MYO1B: variants seen among roughly 807,000 people sequenced by gnomAD.
The protein encoded by MYO1B is myosin IB.
MYO1B carries 72 observed loss-of-function variants against 159.7 expected under a neutral mutation model. The observed-to-expected ratio is 0.45, with a 90% CI of 0.37 to 0.55. MYO1B has a LOEUF of 0.55. MYO1B is among the 20% of genes least tolerant of loss of function. MYO1B has a pLI of 0.00. For synonymous variants in MYO1B, 468 were observed against 473.8 expected (o/e 0.99, Z 0.16); for missense variants, 1,062 against 1,364.8 (o/e 0.78, Z 3.50).
At chr2:191,275,355 C>CT (rs61105206) in intron 1 of MYO1B, among the ~76,000 whole-genome samples, 57,660 of 151,928 alleles carry the variant, frequency 0.38, 11,139 homozygotes, top group Middle Eastern at 0.52. Context: ...CTTAGTCTCT[C>CT]TTTTTTGGCT....
intron 14 of MYO1B, 85 bp from the exon 15 acceptor site, chr2:191,383,195 A>T: frequency 1.3e-6 from 1 of 770,694 alleles, no homozygotes; most frequent in Non-Finnish European, 2.1e-6. Context: ...GGGAAATATG[A>T]TAAGATGGTC....
intron 2 of MYO1B, among the ~76,000 whole-genome samples, chr2:191,287,139 C>T (rs553223106): frequency 2.0e-5 from 3 of 152,042 alleles, no homozygotes; most frequent in Non-Finnish European, 4.4e-5. Context: ...GGAATGCTTG[C>T]TGTGGGTCAG....
chr2:191,423,825 C>G lies in MYO1B; in HGVS notation c.3288-12C>G. 1 of 1,600,102 alleles carries G rather than the reference C, an allele frequency of 6.2e-7. No homozygotes were observed. Among genetic ancestry groups the G allele is most frequent in the Non-Finnish European group, 8.5e-7 (1 of 1,175,598 alleles). ...TGTGTATACTTTAATTTGTTTTATT[C>G]TTTTCTCCTAGGTTCCTGGTACAGT... On this transcript the variant is annotated splice_polypyrimidine_tract_variant and intron_variant, in intron 30 of 30. Transcript: ENST00000392318.
intron 4 of MYO1B, among the ~76,000 whole-genome samples, chr2:191,334,466 G>A (rs1331755655): frequency 1.3e-5 from 2 of 152,176 alleles, no homozygotes; most frequent in Admixed American, 1.3e-4. Context: ...TTCTCTGGTA[G>A]AACTCTAGTA....
At chr2:191,324,590 A>G (rs535713156) in intron 3 of MYO1B, among the ~76,000 whole-genome samples, 40 of 152,212 alleles carry the variant, frequency 2.6e-4, no homozygotes, top group Non-Finnish European at 5.0e-4. Context: ...TTTTTACTGC[A>G]TAGTGCACAC....
At chr2:191,360,783 G>GTTGTT in intron 8 of MYO1B, 54 bp downstream of exon 8, 1 of 1,347,368 alleles carries the variant, frequency 7.4e-7, no homozygotes. Flanking sequence ...TGTTGTTGTT[G>GTTGTT]TTGTTGGAGC....
chr2:191,326,770 ATGTGTGTGTGTGTGTGTGTGTGTG>A (rs35184577), intron 3 of MYO1B, among the ~76,000 whole-genome samples: 26 of 137,152 alleles, frequency 1.9e-4, no homozygotes, highest in African/African-American at 7.1e-4. Context: ...GTTTGTATAT[ATGTGTGTGTGTGTGTGTGTGTGTG>A]TGTGTGTGTG....
chr2:191,408,404 G>A (rs557476467), intron 25 of MYO1B, among the ~76,000 whole-genome samples: 37 of 152,224 alleles, frequency 2.4e-4, no homozygotes, highest in African/African-American at 7.9e-4. Flanking sequence ...TTAATGGCCC[G>A]TATATTATTA....
At position 191,282,893 on chromosome 2, in the gene MYO1B, G is replaced by C. The variant is rs1688146819; in HGVS notation, c.135+5863G>C. ...GTATGTGAGTGGTTTACCATCAGTA[G>C]TGCTCAGCTTACTCTGATCGCTGCA... On this transcript the variant is annotated intron_variant, in intron 2 of 30. Coordinates refer to ENST00000392318, the MANE Select transcript of MYO1B (RefSeq NM_001130158.3). 3.3e-5 allele frequency among the ~76,000 whole-genome samples: 5 copies of C among 152,242 alleles called. No individual in the cohort carries two copies. The South Asian group carries it at 1.0e-3, about 31-fold the overall frequency.
chr2:191,321,665 C>T (rs1250417544), intron 3 of MYO1B, among the ~76,000 whole-genome samples: 2 of 152,172 alleles, frequency 1.3e-5, no homozygotes, highest in Non-Finnish European at 2.9e-5. Context: ...CTGCTTCCTC[C>T]CAGCCTCTTT....
At chr2:191,350,267 C>T (rs1559190932) in intron 7 of MYO1B, 42 bp downstream of exon 7, 1 of 1,411,156 alleles carries the variant, frequency 7.1e-7, no homozygotes, top group Non-Finnish European at 1.0e-6. Flanking sequence ...GTTCAGAATA[C>T]TAAAACATAT....
Position 191,400,439 on chromosome 2 carries a change from A to G in MYO1B, c.2353A>G (p.Thr785Ala), listed in dbSNP as rs1335411519. The G allele has an allele frequency of 1.9e-6, 3 of 1,614,008 alleles. No individual in the cohort carries two copies. The highest frequency in any genetic ancestry group is 1.7e-6 in the Non-Finnish European group (2 of 1,180,032). The stretch of plus-strand genomic sequence containing the variant: ...AAAGCGCTGTAAGGAAGCAGTCACG[A>G]CCATTGCTGCATATTGGCATGGGAC... ...HQKRCKEAVT[T>A]IAAYWHGTQA... Residue 785 changes from threonine to alanine, a missense_variant, in exon 22 of 31, where the codon ACC becomes GCC. This residue lies in a region of MYO1B where 609 missense variants were observed against 744.4 expected (regional missense o/e 0.82). Coordinates refer to ENST00000392318, the MANE Select transcript of MYO1B (RefSeq NM_001130158.3).
At chr2:191,329,871 C>G in intron 3 of MYO1B, 64 bp from the exon 4 acceptor site, 1 of 1,391,606 alleles carries the variant, frequency 7.2e-7, no homozygotes, top group Non-Finnish European at 1.0e-6. Context: ...GCTTGTAGTT[C>G]CATCTGATAA....
At chr2:191,391,133 G>A (rs578202790) in intron 18 of MYO1B, among the ~76,000 whole-genome samples, 16 of 152,194 alleles carry the variant, frequency 1.1e-4, no homozygotes, top group Non-Finnish European at 2.1e-4. Context: ...ACTGACGGGC[G>A]GCTGTTGCAG....
chr2:191,317,013 G>C (rs142591090), intron 3 of MYO1B, among the ~76,000 whole-genome samples: 4 of 152,296 alleles, frequency 2.6e-5, no homozygotes, highest in African/African-American at 4.8e-5. Flanking sequence ...CATAAATTCG[G>C]AACACTGAAA....
chr2:191,246,297 C>G lies in MYO1B; in HGVS notation c.-10+671C>G, dbSNP rs147005707. The stretch of plus-strand genomic sequence containing the variant: ...GAAACCAGATTAGAGACGGGAGCTA[C>G]GAAGGGTGGTGGGGCCGGGAAGAGA... On this transcript the variant is annotated intron_variant, in intron 1 of 30. Transcript: ENST00000392318. The G allele has an allele frequency of 7.1e-3, 1,085 of 152,014 alleles. 5 individuals carry two copies. The highest frequency in any genetic ancestry group is 0.011 in the Non-Finnish European group (734 of 68,158). 9.4% of individuals were successfully genotyped at this position (152,014 alleles called of 1,614,324 possible).
rs147631735 is a variant in MYO1B at position 191,248,468 on chromosome 2, A to G, written c.-10+2842A>G. 6.2e-4 allele frequency among the ~76,000 whole-genome samples: 95 copies of G among 152,334 alleles called. 1 individual carries two copies. The East Asian group carries it at 0.011, about 17-fold the overall frequency. On this transcript the variant is annotated intron_variant, in intron 1 of 30. Coordinates refer to ENST00000392318, the MANE Select transcript of MYO1B (RefSeq NM_001130158.3). ...TCACATTAGCCTACAGTTGGGCAAAATCGTCTGGTAACACAGTCCACTGTA... is the reference window on the plus strand; with the variant it reads ...TCACATTAGCCTACAGTTGGGCAAAGTCGTCTGGTAACACAGTCCACTGTA...
chr2:191,284,187 C>T (rs776217506), intron 2 of MYO1B, among the ~76,000 whole-genome samples: 41 of 152,160 alleles, frequency 2.7e-4, no homozygotes, highest in Admixed American at 5.2e-4. Context: ...GGAAGCAGTT[C>T]GGCACAGGGG....
At chr2:191,417,751 A>G (rs1051930022) in intron 30 of MYO1B, among the ~76,000 whole-genome samples, 7 of 152,208 alleles carry the variant, frequency 4.6e-5, no homozygotes, top group Non-Finnish European at 7.3e-5. Flanking sequence ...GGAAATTTAA[A>G]ATCTTTCTTC....
Sources: gnomAD v4.1 joint callset for allele counts (sites outside exome capture counted in the v4.1 genomes callset) on GRCh38, gnomAD v4.1.1 for gene constraint, gnomAD v4.1.1 regional missense constraint, MANE v1.5 for transcripts, NCBI Gene and HGNC (gene_info 2026-07-23, HGNC 2026-07-21) for gene names.